Variants in VTI1A observed in about 807,000 individuals in gnomAD.
VTI1A encodes the protein vesicle transport through interaction with t-SNAREs homolog 1A.
Under a neutral mutation model 34.9 loss-of-function variants are expected in VTI1A, and 22 were observed. That is an observed-to-expected ratio of 0.63 (90% CI 0.45 to 0.90). The LOEUF is 0.90. Ranked by LOEUF, VTI1A falls within the 40% of genes least tolerant of loss-of-function variation. VTI1A has a pLI of 0.00. For synonymous variants in VTI1A, 87 were observed against 97.3 expected (o/e 0.89, Z 0.62); for missense variants, 268 against 275.6 (o/e 0.97, Z 0.20).
chr10:112,720,656 A>T (rs1323986560), intron 7 of VTI1A, among the ~76,000 whole-genome samples: 2 of 152,178 alleles, frequency 1.3e-5, no homozygotes, highest in Non-Finnish European at 2.9e-5. Flanking sequence ...TCTTTTTACC[A>T]TGGTAGTATT....
Position 112,647,067 on chromosome 10 carries a change from T to C in VTI1A, c.428-21151T>C, listed in dbSNP as rs555733629. Among the ~76,000 whole-genome samples the C allele has an allele frequency of 5.3e-5, 8 of 152,338 alleles. No homozygotes were observed. The South Asian group carries it at 1.7e-3, about 32-fold the overall frequency. ...CTAAAATTTGCCCCCACAGGCAAGT[T>C]GTTTAACCTTTCTGGAAGAGTTCAT... On this transcript the variant is annotated intron_variant, in intron 5 of 7. Transcript: ENST00000393077.
chr10:112,549,140 T>C (rs141086631), intron 5 of VTI1A, among the ~76,000 whole-genome samples: 141 of 152,272 alleles, frequency 9.3e-4, no homozygotes, highest in African/African-American at 3.3e-3. Context: ...CCTGAGAAAA[T>C]AGACCCAAAA....
At chr10:112,618,514 T>TAGAGAGAGAGAGAGAGAGAGAGAG (rs1418805647) in intron 5 of VTI1A, among the ~76,000 whole-genome samples, 1 of 42,520 alleles carries the variant, frequency 2.4e-5, no homozygotes, top group Non-Finnish European at 3.9e-5. Flanking sequence ...TATATATATA[T>TAGAGAGAGAGAGAGAGAGAGAGAG]ATATATATAT....
intron 3 of VTI1A, 62 bp downstream of exon 3, chr10:112,464,719 C>G: frequency 7.1e-7 from 1 of 1,413,418 alleles, no homozygotes; most frequent in Non-Finnish European, 9.8e-7. Context: ...CTCCTCATGC[C>G]TCAGTCAGCA....
chr10:112,689,503 CA>C, intron 7 of VTI1A, among the ~76,000 whole-genome samples: 1 of 152,126 alleles, frequency 6.6e-6, no homozygotes, highest in African/African-American at 2.4e-5. Context: ...GCTGGACAGC[CA>C]GGGGGCAGCA....
Position 112,538,236 on chromosome 10 carries a change from T to C in VTI1A, c.343-10T>C, listed in dbSNP as rs1284424799. 1 of 1,610,516 alleles carries C rather than the reference T, an allele frequency of 6.2e-7. No individual in the cohort carries two copies. Among genetic ancestry groups the C allele is most frequent in the African/African-American group, 1.3e-5 (1 of 74,630 alleles). On this transcript the variant is annotated splice_polypyrimidine_tract_variant and intron_variant, in intron 4 of 7. Coordinates refer to ENST00000393077, the MANE Select transcript of VTI1A (RefSeq NM_145206.4). Reference sequence around the variant, plus strand: ...CGTCTGATTTTTTTTTCCCCCTTTTTCTTTTTCAGAGGGCACATCTGCTCG... The same window carrying C: ...CGTCTGATTTTTTTTTCCCCCTTTTCCTTTTTCAGAGGGCACATCTGCTCG...
rs565992082 is a variant in VTI1A at position 112,620,528 on chromosome 10, C to T, written c.428-47690C>T. ...TGAACTGGCTGGGCGCGGTGGCTCA[C>T]GTCTGTAATCCCAAAACTTTGGGAG... On this transcript the variant is annotated intron_variant, in intron 5 of 7. Transcript: ENST00000393077. Among the ~76,000 whole-genome samples the T allele has an allele frequency of 3.1e-3, 479 of 152,220 alleles. 1 individual carries two copies. The highest frequency in any genetic ancestry group is 8.4e-3 in the Admixed American group (129 of 15,290).
intron 3 of VTI1A, among the ~76,000 whole-genome samples, chr10:112,498,515 C>T (rs1031050540): frequency 6.6e-6 from 1 of 151,866 alleles, no homozygotes; most frequent in Non-Finnish European, 1.5e-5. Context: ...TTCCTAGATA[C>T]TTCTGTAAAA....
At chr10:112,508,655 C>A (rs1849512148) in intron 3 of VTI1A, among the ~76,000 whole-genome samples, 1 of 152,044 alleles carries the variant, frequency 6.6e-6, no homozygotes, top group Admixed American at 6.6e-5. Flanking sequence ...CTTTCTGCAC[C>A]CACGCAGGTA....
intron 5 of VTI1A, among the ~76,000 whole-genome samples, chr10:112,608,153 G>A (rs1296316173): frequency 6.6e-6 from 1 of 152,148 alleles, no homozygotes; most frequent in Non-Finnish European, 1.5e-5. Flanking sequence ...AGACACTCAC[G>A]TTACAGCTTC....
At chr10:112,455,667 CT>C (rs1183506156) in intron 1 of VTI1A, among the ~76,000 whole-genome samples, 62 of 58,914 alleles carry the variant, frequency 1.1e-3, no homozygotes, top group African/African-American at 7.4e-3. Flanking sequence ...CCCTTCCTCC[CT>C]TCCTTCCTTC....
At chr10:112,785,169 A>G (rs138506071) in intron 7 of VTI1A, among the ~76,000 whole-genome samples, 7 of 152,352 alleles carry the variant, frequency 4.6e-5, no homozygotes, top group Non-Finnish European at 1.0e-4. Context: ...GCAGGACCCC[A>G]GAATGGTGGG....
chr10:112,843,270 T>C, the VTI1A span, among the ~76,000 whole-genome samples: 1 of 152,194 alleles, frequency 6.6e-6, no homozygotes, highest in Admixed American at 6.5e-5. Context: ...ACTGTAGAAG[T>C]GTGTGACCAT....
intron 7 of VTI1A, among the ~76,000 whole-genome samples, chr10:112,718,363 A>G (rs1378593433): frequency 6.6e-6 from 1 of 152,206 alleles, no homozygotes; most frequent in Non-Finnish European, 1.5e-5. Flanking sequence ...AAAGGCCCAG[A>G]TTTTGGGCTC....
At chr10:112,526,096 A>G (rs1850214423) in intron 3 of VTI1A, among the ~76,000 whole-genome samples, 1 of 152,190 alleles carries the variant, frequency 6.6e-6, no homozygotes, top group African/African-American at 2.4e-5. Flanking sequence ...CAGGAAAGAC[A>G]ACAAAGTAAC....
chr10:112,641,369 A>G (rs1005708665), intron 5 of VTI1A, among the ~76,000 whole-genome samples: 3 of 152,152 alleles, frequency 2.0e-5, no homozygotes, highest in Non-Finnish European at 4.4e-5. Context: ...CACTTTCCTT[A>G]CTTTGCACAA....
chr10:112,769,866 C>T (rs998015159), intron 7 of VTI1A, among the ~76,000 whole-genome samples: 3 of 151,990 alleles, frequency 2.0e-5, no homozygotes, highest in African/African-American at 2.4e-5. Flanking sequence ...AGGTGGGTAC[C>T]GCAGTGAGTG....
chr10:112,538,105 A>G (rs1345536428), intron 4 of VTI1A, 141 bp from the exon 5 acceptor site: 3 of 654,694 alleles, frequency 4.6e-6, no homozygotes, highest in African/African-American at 3.7e-5. Context: ...TATAATGGAA[A>G]ATTTGCTAAA....
intron 5 of VTI1A, among the ~76,000 whole-genome samples, chr10:112,584,062 G>C (rs1844057927): frequency 6.6e-6 from 1 of 152,138 alleles, no homozygotes; most frequent in African/African-American, 2.4e-5. Flanking sequence ...AGGGGCAAAT[G>C]CACTGTATTC....
Sources: allele counts gnomAD v4.1 joint callset (sites outside exome capture counted in the v4.1 genomes callset), GRCh38; gene constraint gnomAD v4.1.1; transcripts MANE v1.5; gene names NCBI Gene and HGNC (gene_info 2026-07-23, HGNC 2026-07-21).